ANKRD29: variants seen among roughly 807,000 people sequenced by gnomAD.
ANKRD29 encodes the protein ankyrin repeat domain-containing protein 29.
ANKRD29 carries 32 observed loss-of-function variants against 38.0 expected under a neutral mutation model. That is an observed-to-expected ratio of 0.84 (90% CI 0.64 to 1.13). The LOEUF (loss-of-function observed/expected upper bound fraction) is 1.13. Among genes scored for constraint, ANKRD29 ranks in the 50% most tolerant of loss-of-function variants. ANKRD29 has a pLI of 0.00. For missense variants in ANKRD29, 357 were observed against 377.9 expected (o/e 0.94, Z 0.46); for synonymous variants, 135 against 152.4 (o/e 0.89, Z 0.84).
chr18:23,655,748 C>T (rs1380316938), intron 1 of ANKRD29, among the ~76,000 whole-genome samples: 1 of 149,978 alleles, frequency 6.7e-6, no homozygotes, highest in East Asian at 2.0e-4. Context: ...AGCCACCGTG[C>T]CTGGCCTCCT....
chr18:23,601,580 T>A (rs1304111272), intron 9 of ANKRD29, among the ~76,000 whole-genome samples: 6 of 152,232 alleles, frequency 3.9e-5, no homozygotes, highest in Admixed American at 6.5e-5. Flanking sequence ...TAATTAATCA[T>A]TGTATCCTTA....
Position 23,612,148 on chromosome 18 carries a change from T to A in ANKRD29, c.766A>T (p.Ile256Phe). 6.2e-7 allele frequency: 1 copy of A among 1,614,082 alleles called. No individual in the cohort carries two copies. Among genetic ancestry groups the A allele is most frequent in the Non-Finnish European group, 8.5e-7 (1 of 1,179,998 alleles). ...TCTAGGAGCAGCGCAACTGTTTTAA[T>A]GTTTCCACTGAGCACTGCTGCATGG... Reference protein sequence around the residue: ...ALHAAVLSGNIKTVALLLEAG... With the variant: ...ALHAAVLSGNFKTVALLLEAG... Residue 256 changes from isoleucine to phenylalanine, a missense_variant, in exon 9 of 10, where the codon ATT (isoleucine) becomes TTT (phenylalanine). Physicochemically the swap from Ile to Phe is conservative, Grantham distance 21. Coordinates refer to ENST00000592179, the MANE Select transcript of ANKRD29 (RefSeq NM_173505.4).
At chr18:23,641,868 T>C (rs1010664822) in intron 3 of ANKRD29, among the ~76,000 whole-genome samples, 1 of 152,188 alleles carries the variant, frequency 6.6e-6, no homozygotes, top group Non-Finnish European at 1.5e-5. Flanking sequence ...CTACACACTG[T>C]GGGTCTCCTC....
Position 23,619,342 on chromosome 18 carries a change from C to G in ANKRD29, c.627+189G>C, listed in dbSNP as rs575514446. ...AAGATTCCACCCTCTCTAGTGCGTC[C>G]CAAGGTCATCTCGGGTGGAGGAGGA... On this transcript the variant is annotated intron_variant, in intron 7 of 9. Coordinates refer to ENST00000592179, the MANE Select transcript of ANKRD29 (RefSeq NM_173505.4). 10 of 602,602 alleles carry G rather than the reference C, an allele frequency of 1.7e-5. No individual in the cohort carries two copies. In the South Asian group the frequency reaches 2.1e-4, roughly 13 times the overall value. The allele number at this position is 602,602 out of a possible 1,614,324, so 37.3% of individuals were successfully genotyped here. A position where few individuals can be genotyped will look rare whatever the true frequency, so the allele number is the denominator to read the frequency against.
At chr18:23,629,142 G>A (rs886271605) in intron 6 of ANKRD29, among the ~76,000 whole-genome samples, 2 of 152,128 alleles carry the variant, frequency 1.3e-5, no homozygotes, top group Non-Finnish European at 2.9e-5. Context: ...GCGCCACCGC[G>A]CCTGGCTAAT....
chr18:23,646,130 A>G (rs945023140), intron 3 of ANKRD29, 59 bp downstream of exon 3: 6 of 1,513,528 alleles, frequency 4.0e-6, no homozygotes, highest in South Asian at 1.1e-5. Context: ...GTTCACTATC[A>G]TGAAAACTTC....
chr18:23,649,204 A>G lies in ANKRD29; in HGVS notation c.22-11T>C, dbSNP rs749335081. ...AAGTGGAGTTTCCTTCTGCAAGAAC[A>G]AAATGAAACAGGATCTTAAAATTGA... On this transcript the variant is annotated splice_polypyrimidine_tract_variant and intron_variant, in intron 1 of 9. Transcript: ENST00000592179. 6.9e-6 allele frequency: 11 copies of G among 1,602,222 alleles called. No homozygotes were observed. The highest frequency in any genetic ancestry group is 1.7e-5 in the Admixed American group (1 of 58,862).
chr18:23,656,925 G>C (rs1408448483), intron 1 of ANKRD29, among the ~76,000 whole-genome samples: 1 of 152,064 alleles, frequency 6.6e-6, no homozygotes, highest in Non-Finnish European at 1.5e-5. Flanking sequence ...GCCTAGCGCA[G>C]AGCACTCCCT....
At chr18:23,623,890 G>A (rs1189036789) in intron 6 of ANKRD29, among the ~76,000 whole-genome samples, 4 of 151,650 alleles carry the variant, frequency 2.6e-5, no homozygotes, top group South Asian at 2.1e-4. Flanking sequence ...TAATCTGCCC[G>A]CCTCGGCCTC....
At chr18:23,646,579 A>C (rs1188037467) in intron 2 of ANKRD29, 1 of 254,532 alleles carries the variant, frequency 3.9e-6, no homozygotes, top group Admixed American at 5.2e-5. Flanking sequence ...CAGCGATGAT[A>C]TATTGCTCTC....
At chr18:23,635,819 C>T (rs1166749042) in intron 4 of ANKRD29, among the ~76,000 whole-genome samples, 1 of 152,054 alleles carries the variant, frequency 6.6e-6, no homozygotes, top group Non-Finnish European at 1.5e-5. Flanking sequence ...GTCTCGAATT[C>T]GTAGGCAGGT....
intron 8 of ANKRD29, among the ~76,000 whole-genome samples, chr18:23,616,445 A>C (rs2059718977): frequency 6.7e-6 from 1 of 148,772 alleles, no homozygotes; most frequent in Non-Finnish European, 1.5e-5. Context: ...TGAGCGCAAG[A>C]ATTCAAGATT....
intron 5 of ANKRD29, among the ~76,000 whole-genome samples, chr18:23,630,823 G>T (rs1598495009): frequency 6.8e-6 from 1 of 147,028 alleles, no homozygotes; most frequent in African/African-American, 2.5e-5. Flanking sequence ...TTAATTAGCT[G>T]GGCGAGGTGG....
At position 23,638,894 on chromosome 18, in the gene ANKRD29, CACG is replaced by C. The variant is rs1240812189; in HGVS notation, c.282_284del (p.Val95del). 14 of 1,613,086 alleles carry C rather than the reference CACG, an allele frequency of 8.7e-6. No homozygotes were observed. The highest frequency in any genetic ancestry group is 1.3e-5 in the African/African-American group (1 of 74,898). On this transcript the variant is annotated inframe_deletion, in exon 4 of 10. Coordinates refer to ENST00000592179, the MANE Select transcript of ANKRD29 (RefSeq NM_173505.4). ...ATGCTCCAAATCCAAAGAGAAATCT[CACG>C]ACATCATTATGGCCTTGCTGGGCGG...
chr18:23,626,302 A>G (rs2059861425), intron 6 of ANKRD29, among the ~76,000 whole-genome samples: 2 of 152,220 alleles, frequency 1.3e-5, no homozygotes, highest in African/African-American at 4.8e-5. Context: ...TAGCACATGA[A>G]AAAGACTAGA....
intron 8 of ANKRD29, among the ~76,000 whole-genome samples, chr18:23,612,941 T>C (rs2059662132): frequency 6.6e-6 from 1 of 152,100 alleles, no homozygotes; most frequent in African/African-American, 2.4e-5. Flanking sequence ...TGTCCATAAA[T>C]AGTACCTAAT....
chr18:23,649,966 GA>G (rs2060190448), intron 1 of ANKRD29, among the ~76,000 whole-genome samples: 2 of 152,180 alleles, frequency 1.3e-5, no homozygotes. Flanking sequence ...TTGACCTCGT[GA>G]TCCTCCCGCC....
intron 4 of ANKRD29, among the ~76,000 whole-genome samples, chr18:23,635,301 A>C (rs1416426715): frequency 1.3e-5 from 2 of 152,104 alleles, no homozygotes; most frequent in South Asian, 4.2e-4. Flanking sequence ...AAAAAAAAAA[A>C]AAAAAACCCA....
At chr18:23,632,919 G>C (rs918497025) in intron 5 of ANKRD29, among the ~76,000 whole-genome samples, 7 of 152,108 alleles carry the variant, frequency 4.6e-5, no homozygotes, top group Non-Finnish European at 8.8e-5. Flanking sequence ...ACTCTGGAAA[G>C]GGTGTTCAAA....
Sources: allele counts gnomAD v4.1 joint callset (sites outside exome capture counted in the v4.1 genomes callset), GRCh38; gene constraint gnomAD v4.1.1; transcripts MANE v1.5; gene names NCBI Gene and HGNC (gene_info 2026-07-23, HGNC 2026-07-21).